The following PCDH15 variants were observed in gnomAD, a reference collection of about 807,000 sequenced individuals.
The protein encoded by PCDH15 is protocadherin related 15, also known as protocadherin-15.
In PCDH15, 129 loss-of-function variants were observed where a neutral mutation model predicts 178.5. The ratio of observed to expected loss-of-function variants is 0.72; its 90% CI spans 0.63 to 0.84. The LOEUF (loss-of-function observed/expected upper bound fraction) is 0.84. Ranked by LOEUF, PCDH15 falls within the 40% of genes least tolerant of loss-of-function variation. PCDH15 has a pLI of 0.00. For missense variants in PCDH15, 2,230 were observed against 2,099.9 expected (o/e 1.06, Z -1.21); for synonymous variants, 800 against 732.0 (o/e 1.09, Z -1.50).
At chr10:54,539,838 AC>A (rs1258156547) in intron 2 of PCDH15, among the ~76,000 whole-genome samples, 1 of 152,186 alleles carries the variant, frequency 6.6e-6, no homozygotes, top group African/African-American at 2.4e-5. Context: ...TAAAATAGAA[AC>A]CTATAACAAG....
chr10:53,840,459 C>G lies in PCDH15; in HGVS notation c.3844G>C (p.Ala1282Pro). 6.2e-6 allele frequency: 10 copies of G among 1,614,066 alleles called. No individual in the cohort carries two copies. Among genetic ancestry groups the G allele is most frequent in the Non-Finnish European group, 7.6e-6 (9 of 1,179,970 alleles). The part of the protein sequence containing the change: ...DRYVQEQIPG[A>P]KVVVESIGAR... ...CCAATGGACTCCACTACGACCTTGG[C>G]ACCAGGAATTTGTTCCTGAACATAG... Residue 1282 changes from alanine (A) to proline (P), a missense_variant, in exon 29 of 38, where the codon GCC becomes CCC. By Grantham distance (27) the Ala-to-Pro change is conservative (BLOSUM62 -1). Transcript: ENST00000644397.
intron 21 of PCDH15, 79 bp downstream of exon 21, chr10:53,995,570 T>C (rs956867386): frequency 7.4e-6 from 12 of 1,611,916 alleles, no homozygotes; most frequent in Non-Finnish European, 9.3e-6. Flanking sequence ...ACTTTTGCTG[T>C]CTTGTGATTC....
intron 2 of PCDH15, among the ~76,000 whole-genome samples, chr10:55,340,256 C>G (rs1373049219): frequency 6.6e-6 from 1 of 150,680 alleles, no homozygotes; most frequent in East Asian, 1.9e-4. Context: ...ACATATATTA[C>G]ATTTCATATA....
chr10:55,569,685 G>A (rs1842369980), intron 2 of PCDH15, among the ~76,000 whole-genome samples: 1 of 151,778 alleles, frequency 6.6e-6, no homozygotes, highest in Non-Finnish European at 1.5e-5. Context: ...CTACATTACT[G>A]AAAGTGGTCT....
At chr10:54,945,351 TGATA>T (rs1554817132) in intron 2 of PCDH15, among the ~76,000 whole-genome samples, 42 of 138,106 alleles carry the variant, frequency 3.0e-4, no homozygotes, top group African/African-American at 8.9e-4. Flanking sequence ...GATAGATAGA[TGATA>T]GATAGATATA....
At chr10:54,004,425 A>G (rs912654465) in intron 20 of PCDH15, among the ~76,000 whole-genome samples, 44 of 28,480 alleles carry the variant, frequency 1.5e-3, no homozygotes, top group African/African-American at 5.7e-3. Flanking sequence ...ACACACACAC[A>G]CCACACAAAG....
At chr10:54,844,644 A>G (rs1242280685) in intron 3 of PCDH15, among the ~76,000 whole-genome samples, 2 of 151,980 alleles carry the variant, frequency 1.3e-5, no homozygotes, top group East Asian at 3.9e-4. Context: ...GAATATTAAT[A>G]ATTTTTCAGA....
chr10:54,593,240 C>T lies in PCDH15; in HGVS notation c.92-65363G>A, dbSNP rs560877950. ...CTTTTGCTCTCATATCCAAAAAAATCATTGCCAGAACCAATGACAAGAATC... is the reference window on the plus strand; with the variant it reads ...CTTTTGCTCTCATATCCAAAAAAATTATTGCCAGAACCAATGACAAGAATC... On this transcript the variant is annotated intron_variant, in intron 2 of 37. Transcript: ENST00000644397. 4.6e-5 allele frequency among the ~76,000 whole-genome samples: 7 copies of T among 152,224 alleles called. No individual in the cohort carries two copies. In the South Asian group the frequency reaches 1.4e-3, roughly 32 times the overall value.
chr10:54,395,454 A>T (rs1951089864), intron 3 of PCDH15, among the ~76,000 whole-genome samples: 1 of 147,120 alleles, frequency 6.8e-6, no homozygotes, highest in Non-Finnish European at 1.5e-5. Flanking sequence ...ACACACCCAC[A>T]TTAAGAACCC....
chr10:54,028,179 A>G (rs955923041), intron 18 of PCDH15, among the ~76,000 whole-genome samples: 1 of 149,306 alleles, frequency 6.7e-6, no homozygotes, highest in Non-Finnish European at 1.5e-5. Flanking sequence ...CAAAAAACAC[A>G]TGAAAAAATG....
chr10:55,466,192 T>G (rs1049328120), intron 2 of PCDH15, among the ~76,000 whole-genome samples: 10 of 152,086 alleles, frequency 6.6e-5, no homozygotes, highest in Admixed American at 6.6e-4. Context: ...GTGATGAAAA[T>G]CAACCTGAAA....
intron 1 of PCDH15, among the ~76,000 whole-genome samples, chr10:54,760,269 CTTT>C (rs1039333897): frequency 2.0e-5 from 3 of 151,856 alleles, no homozygotes; most frequent in Admixed American, 1.3e-4. Context: ...ACCACATTTC[CTTT>C]TTAATTTACC....
chr10:55,062,208 A>G (rs1331684101), intron 2 of PCDH15, among the ~76,000 whole-genome samples: 2 of 152,188 alleles, frequency 1.3e-5, no homozygotes, highest in Non-Finnish European at 2.9e-5. Flanking sequence ...GAATGGGATT[A>G]GTGCCCTTAT....
At chr10:54,305,873 A>G (rs564333609) in intron 8 of PCDH15, among the ~76,000 whole-genome samples, 1 of 152,154 alleles carries the variant, frequency 6.6e-6, no homozygotes, top group East Asian at 1.9e-4. Context: ...TCAGCCAAAG[A>G]ATATGGGATG....
At chr10:54,112,176 T>A (rs1017008326) in intron 15 of PCDH15, among the ~76,000 whole-genome samples, 1 of 151,694 alleles carries the variant, frequency 6.6e-6, no homozygotes, top group Admixed American at 6.6e-5. Flanking sequence ...ATAAAGATCT[T>A]CTATTCTACC....
At chr10:54,038,615 G>A (rs2093471479) in intron 18 of PCDH15, among the ~76,000 whole-genome samples, 1 of 151,866 alleles carries the variant, frequency 6.6e-6, no homozygotes, top group Non-Finnish European at 1.5e-5. Context: ...GTGACTATGG[G>A]CAAGGGAACC....
chr10:55,085,634 T>C (rs1477015446), intron 2 of PCDH15, among the ~76,000 whole-genome samples: 1 of 151,454 alleles, frequency 6.6e-6, no homozygotes, highest in Admixed American at 6.7e-5. Flanking sequence ...CATACCCATA[T>C]AAATTAAACA....
chr10:54,075,251 C>T (rs960334653), intron 17 of PCDH15, among the ~76,000 whole-genome samples: 10 of 151,950 alleles, frequency 6.6e-5, no homozygotes, highest in African/African-American at 2.4e-4. Flanking sequence ...GTGGCAGGTG[C>T]CTGTAGTCCC....
At chr10:54,784,647 A>T (rs541919818) in intron 1 of PCDH15, among the ~76,000 whole-genome samples, 1 of 150,226 alleles carries the variant, frequency 6.7e-6, no homozygotes, top group Admixed American at 6.6e-5. Context: ...GATATCTAAC[A>T]TCATGAAATC....
Sources: gnomAD v4.1 joint callset for allele counts (sites outside exome capture counted in the v4.1 genomes callset) on GRCh38, gnomAD v4.1.1 for gene constraint, MANE v1.5 for transcripts, NCBI Gene and HGNC (gene_info 2026-07-23, HGNC 2026-07-21) for gene names.